Variants in ADGRV1 observed in about 807,000 individuals in gnomAD.
ADGRV1 encodes the protein G-protein coupled receptor 98.
Under a neutral mutation model 596.2 loss-of-function variants are expected in ADGRV1, and 359 were observed. That is an observed-to-expected ratio of 0.60 (90% CI 0.55 to 0.66). ADGRV1 has a LOEUF of 0.66. ADGRV1 is among the 30% of genes least tolerant of loss of function. The pLI is 0.00. For synonymous variants in ADGRV1, 2,681 were observed against 2,679.2 expected (o/e 1.00, Z -0.02); for missense variants, 7,274 against 7,575.6 (o/e 0.96, Z 1.48).
intron 83 of ADGRV1, among the ~76,000 whole-genome samples, chr5:90,881,551 A>T (rs946220408): frequency 6.6e-6 from 1 of 152,032 alleles, no homozygotes; most frequent in Non-Finnish European, 1.5e-5. Flanking sequence ...AACTCAAGGG[A>T]GGTGAACTTT....
At chr5:90,872,223 A>T (rs551483917) in intron 83 of ADGRV1, among the ~76,000 whole-genome samples, 7 of 152,126 alleles carry the variant, frequency 4.6e-5, no homozygotes, top group Non-Finnish European at 7.4e-5. Context: ...AGACCATGAA[A>T]TTTGTTTCCG....
At chr5:90,958,299 A>AG (rs1554174316) in intron 83 of ADGRV1, among the ~76,000 whole-genome samples, 7 of 143,774 alleles carry the variant, frequency 4.9e-5, no homozygotes, top group Middle Eastern at 3.3e-3. Context: ...AAAAAAAAAA[A>AG]AAAAGAAAAG....
chr5:90,753,266 T>C (rs956063250), intron 53 of ADGRV1, among the ~76,000 whole-genome samples: 17 of 152,308 alleles, frequency 1.1e-4, no homozygotes, highest in African/African-American at 3.6e-4. Context: ...ATATGGTATC[T>C]AGAACTTAGA....
intron 83 of ADGRV1, among the ~76,000 whole-genome samples, chr5:90,898,949 AAAAATAAAAT>A (rs902950097): frequency 1.3e-5 from 2 of 152,050 alleles, no homozygotes; most frequent in African/African-American, 4.8e-5. Flanking sequence ...CTGTCTCTAA[AAAAATAAAAT>A]AAAATAAAAT....
chr5:90,703,102 T>C (rs528625706), intron 34 of ADGRV1, among the ~76,000 whole-genome samples: 1 of 152,172 alleles, frequency 6.6e-6, no homozygotes, highest in African/African-American at 2.4e-5. Context: ...AACTGTAACT[T>C]TGGCAAAGTT....
At chr5:90,845,807 G>A in intron 78 of ADGRV1, among the ~76,000 whole-genome samples, 1 of 152,076 alleles carries the variant, frequency 6.6e-6, no homozygotes, top group East Asian at 1.9e-4. Flanking sequence ...GTCAAGATTT[G>A]TCCTACTAGC....
chr5:91,039,139 G>T (rs1324626393), intron 85 of ADGRV1, among the ~76,000 whole-genome samples: 1 of 152,094 alleles, frequency 6.6e-6, no homozygotes, highest in African/African-American at 2.4e-5. Flanking sequence ...CATTTCCTTG[G>T]AGTATTTAAA....
At chr5:90,851,159 G>GAGAGAGAGAGAGAGAGAGAT in intron 79 of ADGRV1, among the ~76,000 whole-genome samples, 1 of 148,842 alleles carries the variant, frequency 6.7e-6, no homozygotes, top group Admixed American at 6.7e-5. Flanking sequence ...GAGAGAGAGA[G>GAGAGAGAGAGAGAGAGAGAT]AGAGAGAGAA....
At chr5:90,799,472 A>G (rs1167618916) in intron 70 of ADGRV1, among the ~76,000 whole-genome samples, 3 of 152,230 alleles carry the variant, frequency 2.0e-5, no homozygotes, top group African/African-American at 7.2e-5. Context: ...ATGGATAGGA[A>G]GAATTAATAT....
chr5:91,085,596 G>A (rs1002460013), intron 86 of ADGRV1, among the ~76,000 whole-genome samples: 5 of 151,824 alleles, frequency 3.3e-5, no homozygotes, highest in South Asian at 2.1e-4. Context: ...GCCATTTTTC[G>A]TTTCATCTTA....
At chr5:90,962,433 C>CT (rs1305471578) in intron 83 of ADGRV1, among the ~76,000 whole-genome samples, 1 of 152,080 alleles carries the variant, frequency 6.6e-6, no homozygotes, top group South Asian at 2.1e-4. Flanking sequence ...TGAAAATAAC[C>CT]TTTTTTCTGG....
intron 16 of ADGRV1, among the ~76,000 whole-genome samples, chr5:90,646,470 CA>C (rs1767780077): frequency 6.6e-6 from 1 of 151,486 alleles, no homozygotes; most frequent in Non-Finnish European, 1.5e-5. Context: ...CTAGTTGGTT[CA>C]GGGCTAGATT....
chr5:91,060,042 C>G lies in ADGRV1; in HGVS notation c.18153-12405C>G, dbSNP rs140365453. ...TTTATTCAATTAAAAAATTAGGATA[C>G]CAGGATTGAAATGGGCTCTGCAACA... On this transcript the variant is annotated intron_variant, in intron 85 of 89. Coordinates refer to ENST00000405460, the MANE Select transcript of ADGRV1 (RefSeq NM_032119.4). 7.0e-3 allele frequency among the ~76,000 whole-genome samples: 1,070 copies of G among 152,118 alleles called. 12 individuals carry two copies. The highest frequency in any genetic ancestry group is 0.025 in the African/African-American group (1,025 of 41,490).
chr5:90,811,151 A>G lies in ADGRV1; in HGVS notation c.15891A>G (p.Gln5297=), dbSNP rs1308776470. 1 of 1,613,882 alleles carries G rather than the reference A, an allele frequency of 6.2e-7. No individual in the cohort carries two copies. Among genetic ancestry groups the G allele is most frequent in the Admixed American group, 1.7e-5 (1 of 60,008 alleles). The change falls in exon 74 of 90, where the codon CAA becomes CAG. Residue 5297 remains glutamine, a synonymous_variant. Coordinates refer to ENST00000405460, the MANE Select transcript of ADGRV1 (RefSeq NM_032119.4). The stretch of plus-strand genomic sequence containing the variant: ...TTGAAGAAGAAGACTTTGAAGAACA[A>G]ACTCTTACCCTTATATTCCTAGATG... ...WAVEEEDFEE[Q]TLTLIFLDGE...
intron 50 of ADGRV1, 133 bp downstream of exon 50, chr5:90,729,897 A>G (rs1315670391): frequency 2.6e-5 from 22 of 837,852 alleles, no homozygotes; most frequent in Non-Finnish European, 3.9e-5. Context: ...GATGGGGTCT[A>G]GCTGTGTTGC....
At chr5:90,921,127 G>T (rs1396766997) in intron 83 of ADGRV1, among the ~76,000 whole-genome samples, 2 of 152,092 alleles carry the variant, frequency 1.3e-5, no homozygotes, top group Non-Finnish European at 2.9e-5. Flanking sequence ...ATCCAAACTT[G>T]CATGTTTACA....
chr5:90,852,910 G>T (rs1766670172), intron 79 of ADGRV1, among the ~76,000 whole-genome samples: 1 of 152,158 alleles, frequency 6.6e-6, no homozygotes, highest in African/African-American at 2.4e-5. Context: ...TTAGCTCAGT[G>T]GGGGGACATG....
intron 59 of ADGRV1, among the ~76,000 whole-genome samples, chr5:90,771,001 T>C (rs576232489): frequency 6.6e-6 from 1 of 152,340 alleles, no homozygotes; most frequent in African/African-American, 2.4e-5. Context: ...AAAAAATTGG[T>C]TACATATTTT....
chr5:90,676,218 G>A lies in ADGRV1; in HGVS notation c.5443+9G>A, dbSNP rs767953723. Reference sequence around the variant, plus strand: ...AAACTTGGAAGGAGGAGGTAAGGCTGGTGATTCAAAAATGTTAAATATTTG... The same window carrying A: ...AAACTTGGAAGGAGGAGGTAAGGCTAGTGATTCAAAAATGTTAAATATTTG... On this transcript the variant is annotated intron_variant, in intron 25 of 89. Transcript: ENST00000405460. 2 of 1,592,246 alleles carry A rather than the reference G, an allele frequency of 1.3e-6. No individual in the cohort carries two copies. Among genetic ancestry groups the A allele is most frequent in the Non-Finnish European group, 1.7e-6 (2 of 1,171,582 alleles).
Sources: gnomAD v4.1 joint callset for allele counts (sites outside exome capture counted in the v4.1 genomes callset) on GRCh38, gnomAD v4.1.1 for gene constraint, MANE v1.5 for transcripts, NCBI Gene and HGNC (gene_info 2026-07-23, HGNC 2026-07-21) for gene names.